Variants in ARHGAP15 observed in about 807,000 individuals in gnomAD.
The protein encoded by ARHGAP15 is rho GTPase-activating protein 15.
ARHGAP15 carries 51 observed loss-of-function variants against 63.7 expected under a neutral mutation model. That is an observed-to-expected ratio of 0.80 (90% CI 0.64 to 1.01). The LOEUF is 1.01. Among genes scored for constraint, ARHGAP15 ranks in the 50% least tolerant of loss-of-function variants. The probability of loss-of-function intolerance (pLI) is 0.00; values close to 1 mark genes in which losing one functional copy is unlikely to be tolerated. For missense variants in ARHGAP15, 560 were observed against 564.6 expected, an observed-to-expected ratio of 0.99 and a Z score of 0.08; for synonymous variants, 191 against 193.8, an observed-to-expected ratio of 0.99 and a Z score of 0.12.
intron 11 of ARHGAP15, among the ~76,000 whole-genome samples, chr2:143,568,070 G>T (rs1238705674): frequency 6.6e-6 from 1 of 152,106 alleles, no homozygotes; most frequent in Non-Finnish European, 1.5e-5. Context: ...AAAAACCCTA[G>T]AAGAAAAACT....
chr2:143,242,234 TG>T (rs1293414009), intron 5 of ARHGAP15, among the ~76,000 whole-genome samples: 2 of 152,200 alleles, frequency 1.3e-5, no homozygotes, highest in African/African-American at 4.8e-5. Context: ...GGGGAAAGTC[TG>T]GTATTCCAAG....
At chr2:143,337,725 C>T (rs1684870515) in intron 6 of ARHGAP15, among the ~76,000 whole-genome samples, 1 of 151,786 alleles carries the variant, frequency 6.6e-6, no homozygotes, top group Non-Finnish European at 1.5e-5. Flanking sequence ...CAATGACTGG[C>T]AAAATATCAA....
At chr2:143,245,275 A>C (rs573512246) in intron 5 of ARHGAP15, among the ~76,000 whole-genome samples, 12 of 152,304 alleles carry the variant, frequency 7.9e-5, no homozygotes, top group Admixed American at 5.9e-4. Context: ...GACTCAGTGG[A>C]AGAAACTGAA....
Position 143,346,568 on chromosome 2 carries a change from T to C in ARHGAP15, c.475-89033T>C, listed in dbSNP as rs1327278415. On this transcript the variant is annotated intron_variant, in intron 6 of 13. Coordinates refer to ENST00000295095, the MANE Select transcript of ARHGAP15 (RefSeq NM_018460.4). The stretch of plus-strand genomic sequence containing the variant: ...GCATCAAGTAACATTCCCTACATTA[T>C]GCTATACTGAAACAAGTCAGTCGGC... Among the ~76,000 whole-genome samples the C allele has an allele frequency of 4.6e-5, 7 of 152,250 alleles. 2 individuals are homozygous for C. Among genetic ancestry groups the C allele is most frequent in the Non-Finnish European group, 1.5e-5 (1 of 68,010 alleles).
At chr2:143,324,363 C>G (rs1218047834) in intron 6 of ARHGAP15, among the ~76,000 whole-genome samples, 1 of 152,088 alleles carries the variant, frequency 6.6e-6, no homozygotes, top group Non-Finnish European at 1.5e-5. Flanking sequence ...TTGGTGTTTG[C>G]GTTCTTAATT....
At chr2:143,377,994 A>G (rs1412804411) in intron 6 of ARHGAP15, among the ~76,000 whole-genome samples, 2 of 152,198 alleles carry the variant, frequency 1.3e-5, no homozygotes, top group East Asian at 3.9e-4. Flanking sequence ...GAATGTCATA[A>G]CACTTAATGA....
At chr2:143,624,355 A>C in intron 12 of ARHGAP15, 88 bp downstream of exon 12, 1 of 1,403,912 alleles carries the variant, frequency 7.1e-7, no homozygotes. Flanking sequence ...TATAATAATA[A>C]TCATGGGGAA....
intron 6 of ARHGAP15, among the ~76,000 whole-genome samples, chr2:143,318,335 A>AG (rs1683823763): frequency 6.6e-6 from 1 of 152,056 alleles, no homozygotes; most frequent in Non-Finnish European, 1.5e-5. Flanking sequence ...CAGAACGATA[A>AG]GGGTACTAAT....
intron 6 of ARHGAP15, among the ~76,000 whole-genome samples, chr2:143,372,011 G>GAAATAAATAAAT (rs10530096): frequency 1.0e-3 from 151 of 148,020 alleles, no homozygotes; most frequent in South Asian, 3.9e-3. Context: ...CGAGCCTATG[G>GAAATAAATAAAT]AAATAAATAA....
chr2:143,137,408 T>C (rs1027464485), intron 1 of ARHGAP15, among the ~76,000 whole-genome samples: 1 of 152,012 alleles, frequency 6.6e-6, no homozygotes, highest in Non-Finnish European at 1.5e-5. Context: ...GATGTGTGAA[T>C]TTTCCTGGTC....
At chr2:143,667,676 CTTA>C (rs961832760) in intron 12 of ARHGAP15, among the ~76,000 whole-genome samples, 5 of 149,906 alleles carry the variant, frequency 3.3e-5, no homozygotes, top group African/African-American at 1.2e-4. Flanking sequence ...TTTGTGATAA[CTTA>C]TTATAAAATT....
chr2:143,342,676 CT>C (rs1685110191), intron 6 of ARHGAP15, among the ~76,000 whole-genome samples: 1 of 151,996 alleles, frequency 6.6e-6, no homozygotes, highest in African/African-American at 2.4e-5. Context: ...AGAATTATTT[CT>C]TTGTTAAGTC....
At chr2:143,539,845 A>G (rs1463833201) in intron 10 of ARHGAP15, among the ~76,000 whole-genome samples, 2 of 152,020 alleles carry the variant, frequency 1.3e-5, no homozygotes, top group East Asian at 3.9e-4. Context: ...GCTGAAAAGA[A>G]TGTATATTCT....
At chr2:143,465,706 A>AAAAT (rs5834950) in intron 8 of ARHGAP15, among the ~76,000 whole-genome samples, 3 of 151,926 alleles carry the variant, frequency 2.0e-5, no homozygotes, top group Non-Finnish European at 4.4e-5. Context: ...AAGCAAGAAA[A>AAAAT]ATAAGTTTTT....
chr2:143,671,580 TAAAC>T (rs1248729241), intron 12 of ARHGAP15, among the ~76,000 whole-genome samples: 1 of 152,180 alleles, frequency 6.6e-6, no homozygotes, highest in African/African-American at 2.4e-5. Flanking sequence ...GGTGTCCAAT[TAAAC>T]AAATAGTGGC....
intron 6 of ARHGAP15, among the ~76,000 whole-genome samples, chr2:143,267,425 C>T (rs543629634): frequency 1.7e-4 from 26 of 152,138 alleles, no homozygotes; most frequent in Non-Finnish European, 2.2e-4. Flanking sequence ...ACCTGCATGC[C>T]GATTCATATC....
At chr2:143,601,016 C>T (rs1559073616) in intron 11 of ARHGAP15, among the ~76,000 whole-genome samples, 1 of 152,078 alleles carries the variant, frequency 6.6e-6, no homozygotes, top group East Asian at 1.9e-4. Context: ...TGGTCACAGG[C>T]CATGGTTTGC....
At chr2:143,317,015 C>T (rs1683751597) in intron 6 of ARHGAP15, among the ~76,000 whole-genome samples, 2 of 152,098 alleles carry the variant, frequency 1.3e-5, no homozygotes, top group African/African-American at 4.8e-5. Flanking sequence ...CTGATTATTG[C>T]ATTTAAACTA....
intron 8 of ARHGAP15, among the ~76,000 whole-genome samples, chr2:143,451,101 T>A (rs1690386173): frequency 6.6e-6 from 1 of 151,942 alleles, no homozygotes; most frequent in Non-Finnish European, 1.5e-5. Flanking sequence ...TAAACTTTAT[T>A]CCTGTTGTTT....
Sources: allele counts gnomAD v4.1 joint callset (sites outside exome capture counted in the v4.1 genomes callset), GRCh38; gene constraint gnomAD v4.1.1; transcripts MANE v1.5; gene names NCBI Gene and HGNC (gene_info 2026-07-23, HGNC 2026-07-21).